PTPRK: variants seen among roughly 807,000 people sequenced by gnomAD.
PTPRK encodes the protein receptor-type tyrosine-protein phosphatase kappa.
Under a neutral mutation model 178.0 loss-of-function variants are expected in PTPRK, and 75 were observed. That is an observed-to-expected ratio of 0.42 (90% CI 0.35 to 0.51). The LOEUF is 0.51. Among genes scored for constraint, PTPRK ranks in the 20% least tolerant of loss-of-function variants. PTPRK has a pLI of 0.02. For synonymous variants in PTPRK, 637 were observed against 620.6 expected, an observed-to-expected ratio of 1.03 and a Z score of -0.39; for missense variants, 1,441 against 1,797.8, an observed-to-expected ratio of 0.80 and a Z score of 3.59.
chr6:128,270,471 C>T (rs1452379965), intron 3 of PTPRK, among the ~76,000 whole-genome samples: 1 of 152,072 alleles, frequency 6.6e-6, no homozygotes, highest in Admixed American at 6.6e-5. Flanking sequence ...ATCTATTATA[C>T]TTCAACCCCT....
At chr6:128,515,559 T>C (rs1857865607) in intron 1 of PTPRK, among the ~76,000 whole-genome samples, 1 of 152,158 alleles carries the variant, frequency 6.6e-6, no homozygotes, top group South Asian at 2.1e-4. Flanking sequence ...ATTTTTACAT[T>C]GACAGAACTA....
At chr6:128,223,765 G>T (rs1313511752) in intron 5 of PTPRK, among the ~76,000 whole-genome samples, 2 of 152,044 alleles carry the variant, frequency 1.3e-5, no homozygotes, top group Admixed American at 6.6e-5. Flanking sequence ...TTAAAGTTCA[G>T]AAAGATTAGA....
chr6:128,382,347 T>C (rs926514877), intron 2 of PTPRK, among the ~76,000 whole-genome samples: 31 of 151,676 alleles, frequency 2.0e-4, no homozygotes, highest in Admixed American at 1.5e-3. Flanking sequence ...TGTAATCATG[T>C]GTCCATTTAA....
chr6:128,464,655 A>G lies in PTPRK; in HGVS notation c.100+55604T>C, dbSNP rs185767442. The stretch of plus-strand genomic sequence containing the variant: ...TATATACACATATATATATATATAT[A>G]TATATATATATATATATATACAACA... On this transcript the variant is annotated intron_variant, in intron 1 of 29. Transcript: ENST00000368226. 8.4e-4 allele frequency among the ~76,000 whole-genome samples: 89 copies of G among 105,826 alleles called. No homozygotes were observed. In the East Asian group the frequency reaches 0.013, roughly 15 times the overall value. The allele number at this position is 105,826 out of a possible 152,430, so 69.4% of individuals were successfully genotyped here. A position where few individuals can be genotyped will look rare whatever the true frequency, so the allele number is the denominator to read the frequency against.
At chr6:128,406,426 T>C (rs1178812995) in intron 1 of PTPRK, among the ~76,000 whole-genome samples, 2 of 152,186 alleles carry the variant, frequency 1.3e-5, no homozygotes, top group African/African-American at 2.4e-5. Context: ...TAAAGAATGA[T>C]GGTTTTTTTC....
At chr6:128,268,819 A>AT (rs998915998) in intron 3 of PTPRK, among the ~76,000 whole-genome samples, 1 of 152,040 alleles carries the variant, frequency 6.6e-6, no homozygotes, top group African/African-American at 2.4e-5. Flanking sequence ...CATTCTTACC[A>AT]TTTTATTCTT....
At chr6:128,243,297 A>G (rs1016212880) in intron 3 of PTPRK, among the ~76,000 whole-genome samples, 1 of 152,032 alleles carries the variant, frequency 6.6e-6, no homozygotes, top group Non-Finnish European at 1.5e-5. Context: ...AGATTTAAAT[A>G]TAAGCTCATT....
chr6:128,239,125 G>GTTTT (rs71833785), intron 5 of PTPRK, among the ~76,000 whole-genome samples: 7 of 98,768 alleles, frequency 7.1e-5, no homozygotes, highest in African/African-American at 1.3e-4. Flanking sequence ...AACTCATCTT[G>GTTTT]TTTTTTTTTT....
chr6:128,471,780 A>G (rs1850700818), intron 1 of PTPRK, among the ~76,000 whole-genome samples: 2 of 151,870 alleles, frequency 1.3e-5, no homozygotes, highest in African/African-American at 2.4e-5. Context: ...TGAAGTTAAC[A>G]ATGGGTATTT....
chr6:128,422,874 G>C (rs1249046553), intron 1 of PTPRK, among the ~76,000 whole-genome samples: 1 of 152,070 alleles, frequency 6.6e-6, no homozygotes, highest in Non-Finnish European at 1.5e-5. Context: ...TGGGCATACA[G>C]TCATCTTAAA....
intron 1 of PTPRK, among the ~76,000 whole-genome samples, chr6:128,465,756 G>C (rs761546811): frequency 9.9e-5 from 15 of 152,054 alleles, no homozygotes; most frequent in Non-Finnish European, 1.9e-4. Flanking sequence ...GAGGTGATTA[G>C]AGACCCTCAC....
intron 2 of PTPRK, among the ~76,000 whole-genome samples, chr6:128,334,039 G>C (rs906518209): frequency 1.3e-5 from 2 of 152,148 alleles, no homozygotes; most frequent in Non-Finnish European, 2.9e-5. Context: ...ACAGCCAGTA[G>C]GTGGAACAGT....
chr6:128,001,368 A>G (rs1265514797), intron 15 of PTPRK, among the ~76,000 whole-genome samples: 20 of 152,056 alleles, frequency 1.3e-4, no homozygotes, highest in Non-Finnish European at 2.6e-4. Flanking sequence ...GCAAAACTCT[A>G]AAGACCACAA....
At chr6:128,228,678 A>AAAC (rs561026240) in intron 5 of PTPRK, among the ~76,000 whole-genome samples, 4 of 151,110 alleles carry the variant, frequency 2.6e-5, no homozygotes, top group East Asian at 1.9e-4. Flanking sequence ...AAAAAAGCAA[A>AAAC]AACAACAACA....
At chr6:128,349,791 A>C (rs1424849027) in intron 2 of PTPRK, among the ~76,000 whole-genome samples, 1 of 152,170 alleles carries the variant, frequency 6.6e-6, no homozygotes, top group Admixed American at 6.6e-5. Flanking sequence ...TTAAGCATTT[A>C]AAATCTATTT....
chr6:127,985,654 A>T, intron 22 of PTPRK, 67 bp downstream of exon 22: 2 of 1,448,138 alleles, frequency 1.4e-6, no homozygotes, highest in Admixed American at 2.0e-5. Context: ...TGTGCTCAAA[A>T]GCCTTGTCTT....
intron 1 of PTPRK, among the ~76,000 whole-genome samples, chr6:128,439,302 A>G (rs938410913): frequency 7.2e-5 from 11 of 152,174 alleles, no homozygotes; most frequent in Admixed American, 2.0e-4. Context: ...AAAGACTACA[A>G]ATAATACAAT....
chr6:128,063,290 CT>C (rs1225572619), intron 13 of PTPRK: 1 of 152,038 alleles, frequency 6.6e-6, no homozygotes, highest in African/African-American at 2.4e-5. Context: ...GATCTCAATC[CT>C]CCTATAGTTT....
At chr6:128,458,900 G>A (rs571357096) in intron 1 of PTPRK, among the ~76,000 whole-genome samples, 44 of 152,092 alleles carry the variant, frequency 2.9e-4, no homozygotes, top group South Asian at 6.3e-4. Flanking sequence ...CACAAACGAC[G>A]GACATTTCTC....
Sources: gnomAD v4.1 joint callset for allele counts (sites outside exome capture counted in the v4.1 genomes callset) on GRCh38, gnomAD v4.1.1 for gene constraint, MANE v1.5 for transcripts, NCBI Gene and HGNC (gene_info 2026-07-23, HGNC 2026-07-21) for gene names.